Variants in RPGRIP1L observed in about 807,000 individuals in gnomAD.
RPGRIP1L encodes protein fantom.
A neutral mutation model predicts 160.4 loss-of-function variants in RPGRIP1L; 131 were observed. The ratio of observed to expected loss-of-function variants is 0.82; its 90% CI spans 0.71 to 0.94. The LOEUF is 0.94. Among genes scored for constraint, RPGRIP1L ranks in the 40% least tolerant of loss-of-function variants. RPGRIP1L has a pLI of 0.00. For missense variants in RPGRIP1L, 1,522 were observed against 1,535.8 expected (o/e 0.99, Z 0.15); for synonymous variants, 510 against 515.8 (o/e 0.99, Z 0.15).
chr16:53,658,154 G>A (rs1967432945), intron 12 of RPGRIP1L, among the ~76,000 whole-genome samples: 1 of 152,112 alleles, frequency 6.6e-6, no homozygotes, highest in Non-Finnish European at 1.5e-5. Flanking sequence ...TGCTTTAAAT[G>A]AGAGTTTTTG....
At chr16:53,679,764 A>G (rs1043348853) in intron 6 of RPGRIP1L, among the ~76,000 whole-genome samples, 1 of 152,208 alleles carries the variant, frequency 6.6e-6, no homozygotes, top group Non-Finnish European at 1.5e-5. Flanking sequence ...CTCTTTGAGG[A>G]ATACAAACAG....
chr16:53,686,517 A>G lies in RPGRIP1L; in HGVS notation c.692T>C (p.Ile231Thr). ...QIEELEHLAE[I>T]LKTQLRRKEN... ...TTTTCTCCTCAACTGAGTTTTCAGG[A>G]TCTCAGCCAAGTGCTCTAACTCCTC... The change falls in exon 6 of 27, where the codon ATC becomes ACC. Residue 231 changes from isoleucine (I) to threonine (T), a missense_variant. Physicochemically the swap from Ile to Thr is moderately conservative, Grantham distance 89 (BLOSUM62 -1). Transcript: ENST00000647211. 2 of 1,613,700 alleles carry G rather than the reference A, an allele frequency of 1.2e-6. No individual in the cohort carries two copies. Among genetic ancestry groups the G allele is most frequent in the East Asian group, 2.2e-5 (1 of 44,818 alleles).
intron 3 of RPGRIP1L, chr16:53,694,952 G>A (rs534747338): frequency 1.7e-5 from 3 of 180,672 alleles, no homozygotes; most frequent in Non-Finnish European, 3.4e-5. Context: ...AAAGTAAAAC[G>A]AACTTTCAGG....
rs1368277915 is a variant in RPGRIP1L, at chr16:53,601,499, T to A, written c.*577A>T. 1.3e-5 allele frequency: 2 copies of A among 153,464 alleles called. No individual in the cohort carries two copies. The highest frequency in any genetic ancestry group is 4.8e-5 in the African/African-American group (2 of 41,468). 9.5% of individuals were successfully genotyped at this position (153,464 alleles called of 1,614,324 possible). A position where few individuals can be genotyped will look rare whatever the true frequency, so the allele number is the denominator to read the frequency against. On this transcript the variant is annotated 3_prime_UTR_variant, in exon 27 of 27. Coordinates refer to ENST00000647211, the MANE Select transcript of RPGRIP1L (RefSeq NM_015272.5). ...TTATATTTAATTGATAGAAACTGCA[T>A]GCATCAAAGAAAATGCATACTGAGC... is the stretch of plus-strand genomic sequence containing the variant.
chr16:53,607,924 C>A (rs531426021), intron 25 of RPGRIP1L: 7 of 946,532 alleles, frequency 7.4e-6, no homozygotes, highest in East Asian at 1.2e-4. Context: ...ATCTTACTTT[C>A]AACACTGCCA....
rs777640910 is a variant in RPGRIP1L, at chr16:53,672,901, G to C, written c.998C>G (p.Ser333Cys). 6.2e-7 allele frequency: 1 copy of C among 1,612,864 alleles called. No homozygotes were observed. Among genetic ancestry groups the C allele is most frequent in the Non-Finnish European group, 8.5e-7 (1 of 1,179,362 alleles). Residue 333 changes from serine to cysteine, a missense_variant, in exon 8 of 27, where the codon TCT becomes TGT. Transcript: ENST00000647211. ...TATTCTTCTTTCAGAAAACTTCATA[G>C]AATGTAATTGTTTCTCAAGACTGCA... ...KCCSLEKQLH[S>C]MKFSERRIEE...
chr16:53,649,837 C>T (rs1239870366), intron 15 of RPGRIP1L, among the ~76,000 whole-genome samples: 1 of 152,150 alleles, frequency 6.6e-6, no homozygotes, highest in Non-Finnish European at 1.5e-5. Context: ...GCCTATTTCT[C>T]TAATACGCCA....
intron 22 of RPGRIP1L, among the ~76,000 whole-genome samples, chr16:53,631,022 C>T (rs113885317): frequency 0.071 from 10,828 of 152,158 alleles, 559 homozygotes; most frequent in Middle Eastern, 0.11. Context: ...TGTGAGCCAC[C>T]GCACCCGGCC....
intron 16 of RPGRIP1L, among the ~76,000 whole-genome samples, chr16:53,646,675 A>C (rs1015382753): frequency 7.2e-5 from 11 of 152,184 alleles, no homozygotes; most frequent in Admixed American, 5.9e-4. Flanking sequence ...GCTGACTGTT[A>C]AATCTTCCAT....
chr16:53,673,639 T>C (rs1017638658), intron 7 of RPGRIP1L, among the ~76,000 whole-genome samples: 4 of 152,150 alleles, frequency 2.6e-5, no homozygotes, highest in African/African-American at 9.6e-5. Flanking sequence ...ATAGACCATA[T>C]AACCATAGCA....
chr16:53,644,593 TGA>T (rs1966431148), intron 17 of RPGRIP1L, among the ~76,000 whole-genome samples: 1 of 152,160 alleles, frequency 6.6e-6, no homozygotes, highest in South Asian at 2.1e-4. Context: ...ACATCAAGTA[TGA>T]GAGAACCACA....
At chr16:53,651,203 T>A (rs2151115330) in intron 15 of RPGRIP1L, among the ~76,000 whole-genome samples, 1 of 152,308 alleles carries the variant, frequency 6.6e-6, no homozygotes, top group South Asian at 2.1e-4. Flanking sequence ...ATGCCAGAAA[T>A]TCTTACTTCA....
Position 53,645,785 on chromosome 16 carries a change from A to G in RPGRIP1L, c.2523T>C (p.His841=), listed in dbSNP as rs1598310040. 5.6e-6 allele frequency: 9 copies of G among 1,614,188 alleles called. No individual in the cohort carries two copies. The East Asian group carries it at 1.3e-4, about 24-fold the overall frequency. The part of the protein sequence containing the change: ...PSSNDPQFDD[H]MYFPVPMNMD... ...TATTCATTGGCACTGGGAAATACAT[A>G]TGATCATCAAACTGTGGATCATTGC... Residue 841 remains histidine (H), a synonymous_variant, in exon 17 of 27, where the codon CAT becomes CAC. Coordinates refer to ENST00000647211, the MANE Select transcript of RPGRIP1L (RefSeq NM_015272.5).
chr16:53,633,990 A>G (rs1965679455), intron 22 of RPGRIP1L, among the ~76,000 whole-genome samples: 1 of 152,172 alleles, frequency 6.6e-6, no homozygotes, highest in Non-Finnish European at 1.5e-5. Context: ...AAAGTATCAC[A>G]GACTGGGTAA....
chr16:53,646,177 A>T (rs749953696), intron 16 of RPGRIP1L, among the ~76,000 whole-genome samples, 174 bp from the exon 17 acceptor site: 4 of 152,224 alleles, frequency 2.6e-5, no homozygotes, highest in African/African-American at 4.8e-5. Flanking sequence ...TCCCTAGAAC[A>T]TGTATGAATA....
chr16:53,636,554 C>G, intron 21 of RPGRIP1L, 42 bp from the exon 22 acceptor site: 1 of 1,325,154 alleles, frequency 7.5e-7, no homozygotes, highest in East Asian at 2.3e-5. Flanking sequence ...CAAGTTAAAC[C>G]AATTCTACTT....
chr16:53,677,404 G>A (rs567695987), intron 6 of RPGRIP1L, among the ~76,000 whole-genome samples: 10 of 152,104 alleles, frequency 6.6e-5, no homozygotes, highest in Middle Eastern at 3.4e-3. Context: ...TTACTTTTAC[G>A]TATCAGTTTT....
chr16:53,613,574 C>T (rs2150947409), intron 24 of RPGRIP1L, among the ~76,000 whole-genome samples: 1 of 152,258 alleles, frequency 6.6e-6, no homozygotes, highest in East Asian at 1.9e-4. Context: ...GTCTTGGCTT[C>T]CCAAAGTGCT....
intron 3 of RPGRIP1L, 38 bp downstream of exon 3, chr16:53,696,113 T>C (rs199650432): frequency 6.2e-7 from 1 of 1,604,306 alleles, no homozygotes; most frequent in African/African-American, 1.3e-5. Flanking sequence ...CAAATTTTAC[T>C]GAGTCAAGAA....
Sources: gnomAD v4.1 joint callset for allele counts (sites outside exome capture counted in the v4.1 genomes callset) on GRCh38, gnomAD v4.1.1 for gene constraint, MANE v1.5 for transcripts, NCBI Gene and HGNC (gene_info 2026-07-23, HGNC 2026-07-21) for gene names.